TXK: variants seen among roughly 807,000 people sequenced by gnomAD.
TXK encodes the protein TXK tyrosine kinase.
Under a neutral mutation model 81.0 loss-of-function variants are expected in TXK, and 60 were observed. That is an observed-to-expected ratio of 0.74 (90% CI 0.60 to 0.92). The LOEUF is 0.92. Ranked by LOEUF, TXK falls within the 40% of genes least tolerant of loss-of-function variation. The probability of loss-of-function intolerance (pLI) is 0.00; values close to 1 mark genes in which losing one functional copy is unlikely to be tolerated. For missense variants in TXK, 581 were observed against 638.3 expected (o/e 0.91, Z 0.97); for synonymous variants, 203 against 210.7 (o/e 0.96, Z 0.32).
At chr4:48,110,691 TA>T in intron 4 of TXK, 88 bp from the exon 5 acceptor site, 1 of 940,668 alleles carries the variant, frequency 1.1e-6, no homozygotes, top group Non-Finnish European at 1.7e-6. Flanking sequence ...CTCAAGGATG[TA>T]GGGGGGAAAT....
chr4:48,116,818 G>C (rs1718825626), intron 1 of TXK, among the ~76,000 whole-genome samples: 1 of 152,228 alleles, frequency 6.6e-6, no homozygotes, highest in Non-Finnish European at 1.5e-5. Flanking sequence ...GAAAGGCAGA[G>C]AGTGGACCGG....
intron 5 of TXK, chr4:48,106,311 G>A (rs1364075291): frequency 2.0e-5 from 3 of 151,798 alleles, no homozygotes; most frequent in South Asian, 2.1e-4. Context: ...GAGATTGAAC[G>A]AATGGAACTT....
chr4:48,121,325 C>T (rs983985006), intron 1 of TXK, among the ~76,000 whole-genome samples: 3 of 152,192 alleles, frequency 2.0e-5, no homozygotes, highest in East Asian at 1.9e-4. Flanking sequence ...GGCTCTATCA[C>T]CCTTCTCCAT....
At chr4:48,080,614 A>C (rs566756844) in intron 10 of TXK, among the ~76,000 whole-genome samples, 1 of 151,932 alleles carries the variant, frequency 6.6e-6, no homozygotes, top group Admixed American at 6.6e-5. Context: ...ATAAAGTTGG[A>C]AACTAAAAAA....
chr4:48,129,475 G>A (rs1488173016), intron 1 of TXK, among the ~76,000 whole-genome samples: 2 of 152,176 alleles, frequency 1.3e-5, no homozygotes, highest in Non-Finnish European at 2.9e-5. Flanking sequence ...GTGGAAGAGT[G>A]GTGCTTGACC....
chr4:48,099,419 AT>A (rs1417240017), intron 6 of TXK, among the ~76,000 whole-genome samples: 2 of 152,094 alleles, frequency 1.3e-5, no homozygotes, highest in African/African-American at 2.4e-5. Flanking sequence ...TTTAATTTTA[AT>A]TTTTTTCTAT....
In TXK at chr4:48,074,038, A is replaced by G. The variant is rs530061786; in HGVS notation, c.1254T>C (p.Asp418=). 2.5e-6 allele frequency: 4 copies of G among 1,613,020 alleles called. No homozygotes were observed. Among genetic ancestry groups the G allele is most frequent in the Admixed American group, 1.7e-5 (1 of 59,984 alleles). The change falls in exon 13 of 15, where the codon GAT becomes GAC. Residue 418 remains aspartate (D), a synonymous_variant. Transcript: ENST00000264316. ...TGGCTCCAAAAGAACTGACATACTC[A>G]TCATCCAAAACGTACCTAAGTTTAT... ...DFGMTRYVLD[D]EYVSSFGAKF... is the part of the protein sequence containing the mutation.
At chr4:48,077,207 C>G (rs1365160964) in intron 11 of TXK, among the ~76,000 whole-genome samples, 2 of 151,926 alleles carry the variant, frequency 1.3e-5, no homozygotes, top group Non-Finnish European at 2.9e-5. Context: ...TGTCTGATGC[C>G]AAAGCAATTC....
chr4:48,086,723 A>G (rs781271898), intron 9 of TXK, 86 bp from the exon 10 acceptor site: 2 of 1,275,508 alleles, frequency 1.6e-6, no homozygotes, highest in East Asian at 4.9e-5. Flanking sequence ...AGTATCTATT[A>G]TTTGACAGAG....
chr4:48,070,360 C>G (rs911845108), intron 14 of TXK, among the ~76,000 whole-genome samples: 2 of 152,192 alleles, frequency 1.3e-5, no homozygotes, highest in Non-Finnish European at 2.9e-5. Flanking sequence ...TCCTGACACA[C>G]TTTCTGCCTC....
chr4:48,102,124 G>T (rs988580302), intron 6 of TXK, among the ~76,000 whole-genome samples: 3 of 151,934 alleles, frequency 2.0e-5, no homozygotes, highest in Non-Finnish European at 2.9e-5. Flanking sequence ...GATTAGAGGC[G>T]CCCGCCACCA....
At position 48,112,387 on chromosome 4, in the gene TXK, A is replaced by G. The variant is rs369849027; in HGVS notation, c.300T>C (p.Asn100=). Residue 100 remains asparagine, a synonymous_variant, in exon 4 of 15, where the codon AAT becomes AAC. Coordinates refer to ENST00000264316, the MANE Select transcript of TXK (RefSeq NM_003328.3). ...LYDFLPREPC[N]LALRRAEEYL... ...ATTCTTCTGCTCTCCTTAAGGCTAA[A>G]TTACAGGGTTCTCTGGGCAGAAAAT... 6.2e-6 allele frequency: 10 copies of G among 1,614,010 alleles called. No individual in the cohort carries two copies. In the African/African-American group the frequency reaches 1.2e-4, roughly 19 times the overall value.
At chr4:48,078,445 G>C (rs546668729) in intron 11 of TXK, among the ~76,000 whole-genome samples, 1 of 152,120 alleles carries the variant, frequency 6.6e-6, no homozygotes, top group Non-Finnish European at 1.5e-5. Flanking sequence ...TCCAAGGGGC[G>C]ATATCAGGGA....
Position 48,067,680 on chromosome 4 carries a change from G to A in TXK, c.1541C>T (p.Ala514Val), listed in dbSNP as rs770493653. 7 of 1,613,988 alleles carry A rather than the reference G, an allele frequency of 4.3e-6. No homozygotes were observed. Among genetic ancestry groups the A allele is most frequent in the African/African-American group, 4.0e-5 (3 of 74,896 alleles). The part of the protein sequence containing the change: ...HEKPEGRPTF[A>V]ELLRAVTEIA... ...CTCTGTGACAGCCCGCAGCAGCTCG[G>A]CAAATGTAGGGCGGCCTTCAGGTTT... The change falls in exon 15 of 15, where the codon GCC (alanine) becomes GTC (valine). Residue 514 changes from alanine to valine, a missense_variant. Physicochemically the swap from Ala to Val is moderately conservative, Grantham distance 64. Coordinates refer to ENST00000264316, the MANE Select transcript of TXK (RefSeq NM_003328.3).
intron 4 of TXK, among the ~76,000 whole-genome samples, chr4:48,111,824 A>T (rs1718641025): frequency 6.6e-6 from 1 of 152,246 alleles, no homozygotes; most frequent in African/African-American, 2.4e-5. Context: ...GGCACAATGA[A>T]ACCTATCTGC....
intron 1 of TXK, among the ~76,000 whole-genome samples, chr4:48,125,957 C>T (rs1412592952): frequency 1.3e-5 from 2 of 152,220 alleles, no homozygotes; most frequent in Admixed American, 1.3e-4. Context: ...GGGTGACCCA[C>T]TGTACTCCAA....
chr4:48,081,029 T>C (rs1031906646), intron 10 of TXK, among the ~76,000 whole-genome samples: 6 of 152,030 alleles, frequency 3.9e-5, no homozygotes, highest in Non-Finnish European at 7.4e-5. Context: ...ACCATAAAAT[T>C]AGCTTGTGAA....
intron 14 of TXK, among the ~76,000 whole-genome samples, chr4:48,070,434 T>C (rs1324611285): frequency 6.6e-6 from 1 of 152,206 alleles, no homozygotes; most frequent in Non-Finnish European, 1.5e-5. Flanking sequence ...TGAAACCCAT[T>C]ACTATTAGCG....
intron 1 of TXK, among the ~76,000 whole-genome samples, chr4:48,118,671 A>G (rs1718875951): frequency 6.6e-6 from 1 of 152,114 alleles, no homozygotes; most frequent in Non-Finnish European, 1.5e-5. Flanking sequence ...CAATTCTCTT[A>G]TTGGGGTTTT....
Sources: gnomAD v4.1 joint callset for allele counts (sites outside exome capture counted in the v4.1 genomes callset) on GRCh38, gnomAD v4.1.1 for gene constraint, MANE v1.5 for transcripts, NCBI Gene and HGNC (gene_info 2026-07-23, HGNC 2026-07-21) for gene names.